Variants in THUMPD1 observed in about 807,000 individuals in gnomAD.
THUMPD1 encodes the protein THUMP domain-containing protein 1.
THUMPD1 carries 31 observed loss-of-function variants against 31.6 expected under a neutral mutation model. The ratio of observed to expected loss-of-function variants is 0.98; its 90% CI spans 0.74 to 1.32. THUMPD1 has a LOEUF of 1.32. THUMPD1 is among the 40% of genes most tolerant of loss of function. The probability of loss-of-function intolerance (pLI) is 0.00; values close to 1 mark genes in which losing one functional copy is unlikely to be tolerated. For synonymous variants in THUMPD1, 166 were observed against 158.2 expected, an observed-to-expected ratio of 1.05 and a Z score of -0.37; for missense variants, 446 against 427.8, an observed-to-expected ratio of 1.04 and a Z score of -0.38.
In THUMPD1 at chr16:20,736,976, C is replaced by T. The variant is rs369783164; in HGVS notation, c.966G>A (p.Thr322=). 9.9e-5 allele frequency: 159 copies of T among 1,613,968 alleles called. No individual in the cohort carries two copies. In the African/African-American group the frequency reaches 1.0e-3, roughly 10 times the overall value. Residue 322 remains threonine, a synonymous_variant, in exon 4 of 4, where the codon ACG becomes ACA. Transcript: ENST00000396083. ...NTEELGQTKP[T]SNPQVVNEGG... The stretch of plus-strand genomic sequence containing the variant: ...CCTCATTTACCACCTGTGGATTAGA[C>T]GTTGGTTTTGTCTGCCCCAGCTCCT...
intron 1 of THUMPD1, among the ~76,000 whole-genome samples, 176 bp downstream of exon 1, chr16:20,741,333 C>G (rs1164655176): frequency 1.3e-5 from 2 of 152,242 alleles, no homozygotes; most frequent in Non-Finnish European, 2.9e-5. Flanking sequence ...ACCGATAGCA[C>G]CGAAGTCTGC....
Position 20,741,489 on chromosome 16 carries a change from GC to G in THUMPD1, c.231+19del. The G allele has an allele frequency of 3.1e-6, 2 of 641,886 alleles. No individual in the cohort carries two copies. The highest frequency in any genetic ancestry group is 4.1e-6 in the Non-Finnish European group (2 of 484,328). 39.8% of individuals were successfully genotyped at this position (641,886 alleles called of 1,614,324 possible). A position where few individuals can be genotyped will look rare whatever the true frequency, so the allele number is the denominator to read the frequency against. ...GCAAGGCCTGGCAGCCGGCCCGCCC[GC>G]CCACCCCGGGACCGGTACCTTTTCT... On this transcript the variant is annotated intron_variant, in intron 1 of 3. Coordinates refer to ENST00000396083, the MANE Select transcript of THUMPD1 (RefSeq NM_017736.5).
At chr16:20,738,065 T>C (rs2079886030) in intron 2 of THUMPD1, 109 bp from the exon 3 acceptor site, 1 of 1,051,818 alleles carries the variant, frequency 9.5e-7, no homozygotes, top group African/African-American at 1.6e-5. Context: ...GAAATTCTCA[T>C]AATGAATTTT....
Position 20,735,100 on chromosome 16 carries a change from G to A in THUMPD1, c.*1780C>T, listed in dbSNP as rs1288358879. On this transcript the variant is annotated 3_prime_UTR_variant, in exon 4 of 4. Coordinates refer to ENST00000396083, the MANE Select transcript of THUMPD1 (RefSeq NM_017736.5). ...AGTCAGTTTCCTTTTAGATCTAAGA[G>A]TCTTGTCGCTTTAAGAAAAATTTTT... 6.6e-6 allele frequency: 1 copy of A among 152,198 alleles called. No individual in the cohort carries two copies. The highest frequency in any genetic ancestry group is 2.4e-5 in the African/African-American group (1 of 41,436). The allele number at this position is 152,198 out of a possible 1,614,324, so 9.4% of individuals were successfully genotyped here.
intron 2 of THUMPD1, 115 bp from the exon 3 acceptor site, chr16:20,738,071 A>G: frequency 1.0e-6 from 1 of 990,756 alleles, no homozygotes; most frequent in Non-Finnish European, 1.5e-6. Context: ...CTCATAATGA[A>G]TTTTAAATGA....
In THUMPD1 at chr16:20,738,892, C is replaced by A; in HGVS notation, c.406+5G>T. 1 of 1,613,572 alleles carries A rather than the reference C, an allele frequency of 6.2e-7. No individual in the cohort carries two copies. Among genetic ancestry groups the A allele is most frequent in the Middle Eastern group, 1.7e-4 (1 of 6,056 alleles). On this transcript the variant is annotated splice_donor_5th_base_variant and intron_variant, in intron 2 of 3. Coordinates refer to ENST00000396083, the MANE Select transcript of THUMPD1 (RefSeq NM_017736.5). Reference sequence around the variant, plus strand: ...ATCGATAATCTTAGCAAGTATTTGTCACACCTATCCCAAGTGTCCTGATGA... The same window carrying A: ...ATCGATAATCTTAGCAAGTATTTGTAACACCTATCCCAAGTGTCCTGATGA...
chr16:20,738,861 T>C (rs1481024939), intron 2 of THUMPD1, 36 bp downstream of exon 2: 3 of 1,607,018 alleles, frequency 1.9e-6, no homozygotes, highest in Non-Finnish European at 2.6e-6. Flanking sequence ...ACCCAGATGT[T>C]ATGAGATCGA....
intron 1 of THUMPD1, 33 bp from the exon 2 acceptor site, chr16:20,739,104 A>AC: frequency 6.2e-7 from 1 of 1,605,772 alleles, no homozygotes; most frequent in Non-Finnish European, 8.5e-7. Flanking sequence ...CAGAAATGAC[A>AC]CAACAGCTCA....
At chr16:20,738,834 C>T (rs1266760909) in intron 2 of THUMPD1, 63 bp downstream of exon 2, 4 of 1,569,308 alleles carry the variant, frequency 2.5e-6, no homozygotes, top group African/African-American at 1.4e-5. Context: ...AAGCAGTATT[C>T]CCTGAGACAG....
In THUMPD1 at chr16:20,741,634, G is replaced by A. The variant is rs1430630376; in HGVS notation, c.106C>T (p.Pro36Ser). 1.3e-6 allele frequency: 2 copies of A among 1,578,040 alleles called. No homozygotes were observed. The highest frequency in any genetic ancestry group is 1.8e-5 in the Admixed American group (1 of 54,444). The change falls in exon 1 of 4, where the codon CCC becomes TCC. Residue 36 changes from proline to serine, a missense_variant. Physicochemically the swap from Pro to Ser is moderately conservative, Grantham distance 74 (BLOSUM62 -1). Transcript: ENST00000396083. Reference sequence around the variant, plus strand: ...TGTAGCCCGGGCTCTAGCTGACGGGGCCCGCCAGCGTCGCAGCGCCGAGCG... The same window carrying A: ...TGTAGCCCGGGCTCTAGCTGACGGGACCCGCCAGCGTCGCAGCGCCGAGCG... ...KRARRCDAGG[P>S]RQLEPGLQGI...
rs762100021 is a variant in THUMPD1 at position 20,739,067 on chromosome 16, G to A, written c.236C>T (p.Thr79Ile). ...GDDMYGPEKF[T>I]DKDQQPSGSE... ...TCCAGAGGGCTGCTGATCCTTGTCT[G>A]TAAACTGTTTGCATAAAACTAATGA... Residue 79 changes from threonine to isoleucine, a missense_variant, in exon 2 of 4, where the codon ACA (threonine) becomes ATA (isoleucine). By Grantham distance (89) the Thr-to-Ile change is moderately conservative. Transcript: ENST00000396083. 1 of 1,614,018 alleles carries A rather than the reference G, an allele frequency of 6.2e-7. No homozygotes were observed. The highest frequency in any genetic ancestry group is 8.5e-7 in the Non-Finnish European group (1 of 1,179,964).
intron 1 of THUMPD1, among the ~76,000 whole-genome samples, chr16:20,739,369 T>C (rs886916873): frequency 1.3e-5 from 2 of 150,436 alleles, no homozygotes; most frequent in Non-Finnish European, 3.0e-5. Context: ...AGAGATGGGG[T>C]TTCGCCATGT....
chr16:20,734,198 G>A lies in THUMPD1; in HGVS notation c.*2682C>T, dbSNP rs2079849209. On this transcript the variant is annotated 3_prime_UTR_variant, in exon 4 of 4. Transcript: ENST00000396083. ...GCTTTCACAAAGTAAAAACAATTTA[G>A]TTCCACAGAGTTGTATGCTCTGTAG... 2 of 152,582 alleles carry A rather than the reference G, an allele frequency of 1.3e-5. No homozygotes were observed. Among genetic ancestry groups the A allele is most frequent in the East Asian group, 3.8e-4 (2 of 5,196 alleles). 9.5% of individuals were successfully genotyped at this position (152,582 alleles called of 1,614,324 possible).
At position 20,736,266 on chromosome 16, in the gene THUMPD1, C is replaced by A. The variant is rs1234710238; in HGVS notation, c.*614G>T. On this transcript the variant is annotated 3_prime_UTR_variant, in exon 4 of 4. Coordinates refer to ENST00000396083, the MANE Select transcript of THUMPD1 (RefSeq NM_017736.5). ...TCAGAAGACTGAAGTTCTTCATCAC[C>A]AACCTTTTCAGAAATGTCTGTAGTT... The A allele has an allele frequency of 2.3e-4, 35 of 152,014 alleles. No individual in the cohort carries two copies. Among genetic ancestry groups the A allele is most frequent in the Admixed American group, 2.3e-3 (35 of 15,270 alleles). 9.4% of individuals were successfully genotyped at this position (152,014 alleles called of 1,614,324 possible).
chr16:20,741,481 G>GGGGGGGGGGGCCCCCCCCCCCCCCC, intron 1 of THUMPD1, 28 bp downstream of exon 1: 1 of 1,308,410 alleles, frequency 7.6e-7, no homozygotes, highest in Non-Finnish European at 9.9e-7. Context: ...CTGGCAGCCG[G>GGGGGGGGGGGCCCCCCCCCCCCCCC]CCCGCCCGCC....
At chr16:20,738,308 T>TTAAA in intron 2 of THUMPD1, 1 of 325,886 alleles carries the variant, frequency 3.1e-6, no homozygotes, top group South Asian at 2.4e-5. Flanking sequence ...CACACTTTTT[T>TTAAA]ACAAAAAAAA....
intron 1 of THUMPD1, 112 bp downstream of exon 1, chr16:20,741,397 G>A (rs999367971): frequency 3.7e-6 from 5 of 1,345,034 alleles, no homozygotes; most frequent in East Asian, 2.5e-5. Flanking sequence ...CCCTACAGCC[G>A]TCACGCCGAC....
At position 20,741,497 on chromosome 16, in the gene THUMPD1, C is replaced by CCG; in HGVS notation, c.231+11_231+12insCG. 7.0e-7 allele frequency: 1 copy of CCG among 1,430,166 alleles called. No homozygotes were observed. The highest frequency in any genetic ancestry group is 1.4e-5 in the South Asian group (1 of 70,782). 88.6% of individuals were successfully genotyped at this position (1,430,166 alleles called of 1,614,324 possible). A position where few individuals can be genotyped will look rare whatever the true frequency, so the allele number is the denominator to read the frequency against. On this transcript the variant is annotated intron_variant, in intron 1 of 3. Coordinates refer to ENST00000396083, the MANE Select transcript of THUMPD1 (RefSeq NM_017736.5). ...TGGCAGCCGGCCCGCCCGCCCACCC[C>CCG]GGGACCGGTACCTTTTCTGGCCCAT...
Position 20,737,893 on chromosome 16 carries a change from C to G in THUMPD1, c.470G>C (p.Arg157Pro). 6.2e-7 allele frequency: 1 copy of G among 1,613,456 alleles called. No homozygotes were observed. The highest frequency in any genetic ancestry group is 1.1e-5 in the South Asian group (1 of 91,048). Residue 157 changes from arginine to proline, a missense_variant, in exon 3 of 4, where the codon CGA becomes CCA. By Grantham distance (103) the Arg-to-Pro change is moderately radical. Transcript: ENST00000396083. Reference sequence around the variant, plus strand: ...GATGGGTAACATTCGCAAAATAACTCGAGTCTTCTTTTTCTTGGTTTTGTA... The same window carrying G: ...GATGGGTAACATTCGCAAAATAACTGGAGTCTTCTTTTTCTTGGTTTTGTA... ...DMYKTKKKKTRVILRMLPISG... is the reference protein window; with the variant it reads ...DMYKTKKKKTPVILRMLPISG...
Sources: gnomAD v4.1 joint callset for allele counts (sites outside exome capture counted in the v4.1 genomes callset) on GRCh38, gnomAD v4.1.1 for gene constraint, MANE v1.5 for transcripts, NCBI Gene and HGNC (gene_info 2026-07-23, HGNC 2026-07-21) for gene names.